Variants in ATP8A2 observed in about 807,000 individuals in gnomAD.
ATP8A2 encodes phospholipid-transporting ATPase IB.
ATP8A2 carries 100 observed loss-of-function variants against 165.6 expected under a neutral mutation model. The ratio of observed to expected loss-of-function variants is 0.60; its 90% CI spans 0.51 to 0.71. ATP8A2 has a LOEUF of 0.71. ATP8A2 is among the 30% of genes least tolerant of loss of function. ATP8A2 has a pLI of 0.00. For synonymous variants in ATP8A2, 543 were observed against 548.8 expected (o/e 0.99, Z 0.15); for missense variants, 1,227 against 1,479.5 (o/e 0.83, Z 2.80).
At chr13:25,393,010 G>A (rs1259299254) in intron 1 of ATP8A2, among the ~76,000 whole-genome samples, 1 of 151,872 alleles carries the variant, frequency 6.6e-6, no homozygotes, top group Non-Finnish European at 1.5e-5. Flanking sequence ...CTTTTCCCTG[G>A]GACCCTTCAT....
At chr13:25,550,982 C>T (rs569490869) in intron 10 of ATP8A2, among the ~76,000 whole-genome samples, 2 of 152,244 alleles carry the variant, frequency 1.3e-5, no homozygotes, top group South Asian at 4.1e-4. Flanking sequence ...CTAAGTTTCT[C>T]TTGAATTACC....
chr13:25,682,778 C>G (rs779252705), intron 24 of ATP8A2, among the ~76,000 whole-genome samples: 3 of 152,166 alleles, frequency 2.0e-5, no homozygotes, highest in African/African-American at 7.2e-5. Context: ...CTCCCCACCC[C>G]GCCTGCCCCA....
At chr13:25,566,793 C>G (rs1219668275) in intron 16 of ATP8A2, among the ~76,000 whole-genome samples, 1 of 152,138 alleles carries the variant, frequency 6.6e-6, no homozygotes, top group Non-Finnish European at 1.5e-5. Context: ...GCTCTTGGTA[C>G]TAGGGGAAGA....
intron 1 of ATP8A2, among the ~76,000 whole-genome samples, chr13:25,453,050 C>T (rs9553620): frequency 2.0e-5 from 3 of 151,972 alleles, no homozygotes; most frequent in Non-Finnish European, 4.4e-5. Flanking sequence ...GCAGAGATCA[C>T]ACCACTGCAC....
chr13:25,382,203 A>T (rs2032863519), intron 1 of ATP8A2, among the ~76,000 whole-genome samples: 1 of 152,208 alleles, frequency 6.6e-6, no homozygotes, highest in Non-Finnish European at 1.5e-5. Context: ...GCCTTTTCAG[A>T]TTGGCTTCTT....
At position 25,547,172 on chromosome 13, in the gene ATP8A2, A is replaced by C. The variant is rs186688863; in HGVS notation, c.891+3770A>C. Among the ~76,000 whole-genome samples the C allele has an allele frequency of 2.7e-4, 41 of 151,680 alleles. No individual in the cohort carries two copies. In the East Asian group the frequency reaches 6.4e-3, roughly 24 times the overall value. On this transcript the variant is annotated intron_variant, in intron 10 of 36. Coordinates refer to ENST00000381655, the MANE Select transcript of ATP8A2 (RefSeq NM_016529.6). ...AAATAAAAATAAAAAATAAACAAAT[A>C]AAATAAACAAAACACAAGCAGTCAA...
At chr13:25,921,093 C>T (rs1301174340) in intron 33 of ATP8A2, among the ~76,000 whole-genome samples, 1 of 152,042 alleles carries the variant, frequency 6.6e-6, no homozygotes, top group African/African-American at 2.4e-5. Flanking sequence ...CAAAACAAAA[C>T]AAAAGCAGAG....
chr13:25,996,776 T>C (rs112535356), intron 35 of ATP8A2, among the ~76,000 whole-genome samples: 1 of 152,200 alleles, frequency 6.6e-6, no homozygotes, highest in South Asian at 2.1e-4. Context: ...CTCTACCTCC[T>C]GGGTTCAAGC....
intron 1 of ATP8A2, among the ~76,000 whole-genome samples, chr13:25,387,511 G>T (rs1340124856): frequency 1.3e-5 from 2 of 152,086 alleles, no homozygotes; most frequent in East Asian, 3.8e-4. Context: ...GTTGGGATGT[G>T]CACAGCTTCA....
In ATP8A2 at chr13:25,915,435, A is replaced by G. The variant is rs1037113076; in HGVS notation, c.3184-46140A>G. Among the ~76,000 whole-genome samples the G allele has an allele frequency of 5.9e-5, 9 of 152,246 alleles. No homozygotes were observed. In the East Asian group the frequency reaches 1.7e-3, roughly 29 times the overall value. On this transcript the variant is annotated intron_variant, in intron 33 of 36. Transcript: ENST00000381655. ...ACCCTGTGATGAAAGGACCAAGACA[A>G]GAAGCAATAAATATACCAAAGCTCA...
At chr13:25,837,423 CCACACACACACACA>C (rs72194516) in intron 29 of ATP8A2, 138 bp downstream of exon 29, 219 of 311,488 alleles carry the variant, frequency 7.0e-4, no homozygotes, top group Middle Eastern at 9.3e-4. Flanking sequence ...CACCCCACCA[CCACACACACACACA>C]CACACACACA....
intron 24 of ATP8A2, among the ~76,000 whole-genome samples, chr13:25,610,659 G>A (rs58620334): frequency 0.017 from 2,564 of 152,144 alleles, 63 homozygotes; most frequent in African/African-American, 0.058. Context: ...AGGAATGATG[G>A]TGCATTTTTA....
At chr13:25,688,788 G>C (rs1196246989) in intron 24 of ATP8A2, among the ~76,000 whole-genome samples, 1 of 152,230 alleles carries the variant, frequency 6.6e-6, no homozygotes, top group East Asian at 1.9e-4. Flanking sequence ...GGGAGCCTGT[G>C]GGGGACAGCC....
At chr13:25,784,827 G>A (rs954065808) in intron 27 of ATP8A2, among the ~76,000 whole-genome samples, 2 of 151,876 alleles carry the variant, frequency 1.3e-5, no homozygotes, top group Non-Finnish European at 2.9e-5. Context: ...GTGCAATGGC[G>A]TGATCTCAGC....
At chr13:25,529,686 AC>A (rs2037967450) in intron 2 of ATP8A2, among the ~76,000 whole-genome samples, 1 of 152,192 alleles carries the variant, frequency 6.6e-6, no homozygotes. Context: ...TGTTATTCAC[AC>A]GCCTGCTGTT....
At chr13:25,903,174 T>C (rs1953817560) in intron 33 of ATP8A2, among the ~76,000 whole-genome samples, 1 of 152,130 alleles carries the variant, frequency 6.6e-6, no homozygotes, top group Non-Finnish European at 1.5e-5. Context: ...CCATAGCTCC[T>C]GTCTTGGTTT....
At chr13:25,903,104 G>A (rs1566254425) in intron 33 of ATP8A2, among the ~76,000 whole-genome samples, 1 of 151,866 alleles carries the variant, frequency 6.6e-6, no homozygotes, top group Non-Finnish European at 1.5e-5. Flanking sequence ...CAAGAAGAAC[G>A]AAACTCCGTC....
chr13:25,479,139 C>T (rs908273825), intron 2 of ATP8A2, among the ~76,000 whole-genome samples: 3 of 152,204 alleles, frequency 2.0e-5, no homozygotes, highest in Admixed American at 1.3e-4. Flanking sequence ...AGCCACCACA[C>T]CCAGCCCATA....
intron 27 of ATP8A2, among the ~76,000 whole-genome samples, chr13:25,809,594 G>A (rs189930129): frequency 5.9e-5 from 9 of 152,084 alleles, no homozygotes; most frequent in Non-Finnish European, 1.0e-4. Flanking sequence ...TGAACAGGTG[G>A]CACTTTTCTT....
Sources: allele counts gnomAD v4.1 joint callset (sites outside exome capture counted in the v4.1 genomes callset), GRCh38; gene constraint gnomAD v4.1.1; transcripts MANE v1.5; gene names NCBI Gene and HGNC (gene_info 2026-07-23, HGNC 2026-07-21).